The following PTPDC1 variants were observed in gnomAD, a reference collection of about 807,000 sequenced individuals.
The protein encoded by PTPDC1 is protein tyrosine phosphatase domain-containing protein 1.
A neutral mutation model predicts 75.3 loss-of-function variants in PTPDC1; 53 were observed. The ratio of observed to expected loss-of-function variants is 0.70; its 90% CI spans 0.56 to 0.88. The LOEUF is 0.88. Ranked by LOEUF, PTPDC1 falls within the 40% of genes least tolerant of loss-of-function variation. PTPDC1 has a pLI of 0.00. For missense variants in PTPDC1, 925 were observed against 998.6 expected (o/e 0.93, Z 0.99); for synonymous variants, 349 against 366.2 (o/e 0.95, Z 0.54).
chr9:94,046,636 G>T (rs956673282), intron 1 of PTPDC1, among the ~76,000 whole-genome samples: 3 of 152,026 alleles, frequency 2.0e-5, no homozygotes, highest in South Asian at 2.1e-4. Flanking sequence ...TCATGATTTG[G>T]CTCTCTGTTT....
chr9:94,060,359 G>A (rs987079805), intron 1 of PTPDC1, among the ~76,000 whole-genome samples: 8 of 152,180 alleles, frequency 5.3e-5, no homozygotes, highest in Admixed American at 2.0e-4. Flanking sequence ...AGGATTCTCC[G>A]AGAGGAACTT....
intron 1 of PTPDC1, among the ~76,000 whole-genome samples, chr9:94,047,474 T>C (rs1825643840): frequency 1.3e-5 from 2 of 152,178 alleles, no homozygotes; most frequent in East Asian, 1.9e-4. Flanking sequence ...AGGAAAGATC[T>C]AAAATTGACA....
chr9:94,054,424 A>G (rs1347102224), intron 1 of PTPDC1, among the ~76,000 whole-genome samples: 1 of 130,224 alleles, frequency 7.7e-6, no homozygotes. Context: ...AGAGATATTA[A>G]TAAATGTGCC....
At chr9:94,041,090 T>C (rs2118407428) in intron 1 of PTPDC1, among the ~76,000 whole-genome samples, 1 of 152,316 alleles carries the variant, frequency 6.6e-6, no homozygotes, top group Non-Finnish European at 1.5e-5. Flanking sequence ...ATATGCCTTT[T>C]TTGCAAAAGT....
chr9:94,048,564 G>C (rs1825687619), intron 1 of PTPDC1, among the ~76,000 whole-genome samples: 1 of 152,200 alleles, frequency 6.6e-6, no homozygotes, highest in Admixed American at 6.5e-5. Context: ...ACTGTGGTCT[G>C]AGAGACAGTT....
At position 94,098,204 on chromosome 9, in the gene PTPDC1, A is replaced by C; in HGVS notation, c.1638A>C (p.Ala546=). 1.2e-6 allele frequency: 2 copies of C among 1,614,256 alleles called. No individual in the cohort carries two copies. Among genetic ancestry groups the C allele is most frequent in the Non-Finnish European group, 1.7e-6 (2 of 1,180,054 alleles). ...KEAQQSGAFS[A]DVSGSHSPGE... is the part of the protein sequence containing the mutation. ...CACAGCAGAGTGGAGCTTTCTCTGC[A>C]GATGTTTCAGGCTCACACAGCCCTG... is the stretch of plus-strand genomic sequence containing the variant. Residue 546 remains alanine (A), a synonymous_variant, in exon 6 of 9, where the codon GCA becomes GCC. Coordinates refer to ENST00000620992, the MANE Select transcript of PTPDC1 (RefSeq NM_001253829.2).
At chr9:94,101,030 C>T (rs1298043777) in intron 6 of PTPDC1, 1 of 152,114 alleles carries the variant, frequency 6.6e-6, no homozygotes, top group Non-Finnish European at 1.5e-5. Context: ...GTACATATGC[C>T]CCATTTACCA....
intron 1 of PTPDC1, among the ~76,000 whole-genome samples, chr9:94,037,280 C>G (rs1039121851): frequency 1.3e-5 from 2 of 152,068 alleles, no homozygotes; most frequent in African/African-American, 4.8e-5. Context: ...TTATTTTATT[C>G]TGTTCCCAAT....
chr9:94,098,230 G>A lies in PTPDC1; in HGVS notation c.1664G>A (p.Gly555Glu). The change falls in exon 6 of 9, where the codon GGG (glycine) becomes GAG (glutamate). Residue 555 changes from glycine (G) to glutamate (E), a missense_variant. Coordinates refer to ENST00000620992, the MANE Select transcript of PTPDC1 (RefSeq NM_001253829.2). ...SADVSGSHSP[G>E]EPVSPSFANV... ...GATGTTTCAGGCTCACACAGCCCTG[G>A]GGAGCCAGTTTCACCCAGCTTTGCA... The A allele has an allele frequency of 6.2e-7, 1 of 1,614,142 alleles. No homozygotes were observed. Among genetic ancestry groups the A allele is most frequent in the South Asian group, 1.1e-5 (1 of 91,070 alleles).
chr9:94,101,514 T>C (rs943983179), intron 6 of PTPDC1, 52 bp from the exon 7 acceptor site: 1 of 1,427,604 alleles, frequency 7.0e-7, no homozygotes, highest in Non-Finnish European at 9.8e-7. Context: ...CACCTCCCTC[T>C]CCTCTCCCTG....
chr9:94,070,142 C>A (rs1477134645), intron 2 of PTPDC1, among the ~76,000 whole-genome samples: 1 of 152,144 alleles, frequency 6.6e-6, no homozygotes, highest in African/African-American at 2.4e-5. Context: ...AATTCTAATC[C>A]ATTATTACAC....
intron 2 of PTPDC1, among the ~76,000 whole-genome samples, chr9:94,073,867 G>T (rs1007277697): frequency 3.3e-5 from 5 of 151,946 alleles, no homozygotes; most frequent in Admixed American, 6.6e-5. Context: ...TAAGTTTGAC[G>T]TTCAATTTCC....
intron 2 of PTPDC1, among the ~76,000 whole-genome samples, chr9:94,076,105 A>G (rs1826675827): frequency 6.6e-6 from 1 of 152,026 alleles, no homozygotes; most frequent in African/African-American, 2.4e-5. Context: ...TTTTCAAGCA[A>G]TTCTTCTGCC....
Position 94,104,315 on chromosome 9 carries a change from T to C in PTPDC1, c.2240T>C (p.Val747Ala), listed in dbSNP as rs772598274. The C allele has an allele frequency of 3.1e-6, 5 of 1,613,906 alleles. No individual in the cohort carries two copies. The highest frequency in any genetic ancestry group is 3.3e-4 in the Middle Eastern group (2 of 6,054). ...QTILCVLHCI[V>A]NLQTIPVDVE... ...ATTCTCTGCGTGTTGCACTGCATAGTGAACCTGCAGACAATTCCCGTGGAT... is the reference window on the plus strand; with the variant it reads ...ATTCTCTGCGTGTTGCACTGCATAGCGAACCTGCAGACAATTCCCGTGGAT... The change falls in exon 8 of 9, where the codon GTG becomes GCG. Residue 747 changes from valine to alanine, a missense_variant. Coordinates refer to ENST00000620992, the MANE Select transcript of PTPDC1 (RefSeq NM_001253829.2).
chr9:94,096,962 G>A (rs903512357), intron 5 of PTPDC1, among the ~76,000 whole-genome samples: 1 of 152,160 alleles, frequency 6.6e-6, no homozygotes, highest in African/African-American at 2.4e-5. Flanking sequence ...GCTTTCTTCT[G>A]ATGGAGTTAA....
chr9:94,081,136 T>C (rs756986787), upstream of PTPDC1, among the ~76,000 whole-genome samples: 16 of 151,878 alleles, frequency 1.1e-4, no homozygotes, highest in Non-Finnish European at 1.9e-4. Context: ...ACTACAGGCA[T>C]GCGCCACTAC....
intron 1 of PTPDC1, among the ~76,000 whole-genome samples, chr9:94,063,192 ACTT>A (rs1826195954): frequency 6.6e-6 from 1 of 152,232 alleles, no homozygotes; most frequent in African/African-American, 2.4e-5. Flanking sequence ...ATGGTTCATA[ACTT>A]CTTATATACA....
At position 94,107,932 on chromosome 9, in the gene PTPDC1, G is replaced by A; in HGVS notation, c.2415G>A (p.Lys805=). The A allele has an allele frequency of 1.3e-6, 2 of 1,589,596 alleles. No homozygotes were observed. The highest frequency in any genetic ancestry group is 1.7e-6 in the Non-Finnish European group (2 of 1,166,458). ...EKRKMTKDGP[K]PGL is the part of the protein sequence containing the mutation. ...GAAAAATGACAAAAGATGGCCCTAA[G>A]CCTGGCCTCTAGCTTTCACTCGTGG... The change falls in exon 9 of 9, where the codon AAG becomes AAA. Residue 805 remains lysine (K), a synonymous_variant. Coordinates refer to ENST00000620992, the MANE Select transcript of PTPDC1 (RefSeq NM_001253829.2).
In PTPDC1 at chr9:94,097,411, T is replaced by C. The variant is rs1226229924; in HGVS notation, c.845T>C (p.Ile282Thr). The change falls in exon 6 of 9, where the codon ATA (isoleucine) becomes ACA (threonine). Residue 282 changes from isoleucine to threonine, a missense_variant. Coordinates refer to ENST00000620992, the MANE Select transcript of PTPDC1 (RefSeq NM_001253829.2). ...GTGCGGGCAAAGCGACCCAATTCCA[T>C]ACAAACCAGAGGACAGCTCCTCTGT... ...IFVRAKRPNS[I>T]QTRGQLLCVR... The C allele has an allele frequency of 2.5e-6, 4 of 1,614,036 alleles. No individual in the cohort carries two copies. Among genetic ancestry groups the C allele is most frequent in the African/African-American group, 1.3e-5 (1 of 74,932 alleles).
Sources: gnomAD v4.1 joint callset for allele counts (sites outside exome capture counted in the v4.1 genomes callset) on GRCh38, gnomAD v4.1.1 for gene constraint, MANE v1.5 for transcripts, NCBI Gene and HGNC (gene_info 2026-07-23, HGNC 2026-07-21) for gene names.